The following MAP4 variants were observed in gnomAD, a reference collection of about 807,000 sequenced individuals.
MAP4 encodes the protein microtubule-associated protein 4.
In MAP4, 76 loss-of-function variants were observed where a neutral mutation model predicts 170.2. That is an observed-to-expected ratio of 0.45 (90% confidence interval 0.37 to 0.54). The LOEUF (loss-of-function observed/expected upper bound fraction) is 0.54, where lower values mean the gene tolerates loss of function less well. MAP4 is among the 20% of genes least tolerant of loss of function. The pLI is 0.00. For missense variants in MAP4, 2,506 were observed against 2,748.0 expected (o/e 0.91, Z 1.97); for synonymous variants, 909 against 994.5 (o/e 0.91, Z 1.62).
intron 1 of MAP4, among the ~76,000 whole-genome samples, chr3:48,054,431 G>A (rs1304415663): frequency 6.6e-6 from 1 of 151,952 alleles, no homozygotes; most frequent in African/African-American, 2.4e-5. Context: ...GACCAGCCTG[G>A]CCAACATAGT....
At chr3:47,951,567 G>C (rs2100063889) in intron 3 of MAP4, among the ~76,000 whole-genome samples, 1 of 152,240 alleles carries the variant, frequency 6.6e-6, no homozygotes, top group Non-Finnish European at 1.5e-5. Flanking sequence ...GGCCGGGCTG[G>C]TCTCCAGCTC....
chr3:47,880,660 T>G lies in MAP4; in HGVS notation c.5435-3137A>C, dbSNP rs541290620. ...TACAAAAAAAATTTTTTTGAAGAGA[T>G]GGAGGTCTTGCCATGTGGCCCAAAC... On this transcript the variant is annotated intron_variant, in intron 10 of 20. Coordinates refer to ENST00000683076, the MANE Select transcript of MAP4 (RefSeq NM_001385682.1). 6.6e-5 allele frequency among the ~76,000 whole-genome samples: 10 copies of G among 152,170 alleles called. No homozygotes were observed. The East Asian group carries it at 1.9e-3, about 29-fold the overall frequency.
chr3:48,047,118 A>ATAAAT (rs1466604211), intron 1 of MAP4, among the ~76,000 whole-genome samples: 1 of 151,458 alleles, frequency 6.6e-6, no homozygotes, highest in Non-Finnish European at 1.5e-5. Context: ...AAATAAATAA[A>ATAAAT]TAAATAAATA....
chr3:47,994,948 CAAAA>C, intron 2 of MAP4, among the ~76,000 whole-genome samples: 1 of 84,416 alleles, frequency 1.2e-5, no homozygotes, highest in Admixed American at 1.4e-4. Flanking sequence ...GACTCCATCT[CAAAA>C]AAAAAAAAAA....
chr3:47,939,268 G>A (rs146361393), intron 3 of MAP4, among the ~76,000 whole-genome samples: 18 of 152,138 alleles, frequency 1.2e-4, no homozygotes, highest in African/African-American at 4.3e-4. Context: ...ATGTTTTCCT[G>A]TTAGTCTTTT....
At chr3:47,948,570 C>T (rs2100061635) in intron 3 of MAP4, among the ~76,000 whole-genome samples, 1 of 151,950 alleles carries the variant, frequency 6.6e-6, no homozygotes. Flanking sequence ...ACAGTGTGTA[C>T]AAACACATAC....
upstream of MAP4, chr3:48,016,445 C>T (rs1225585148): frequency 6.6e-6 from 1 of 152,178 alleles, no homozygotes; most frequent in Admixed American, 6.6e-5. Context: ...CCAGGAAGAA[C>T]ACACCAGATA....
chr3:47,853,792 G>A (rs530707224), intron 19 of MAP4, among the ~76,000 whole-genome samples: 10 of 142,714 alleles, frequency 7.0e-5, no homozygotes, highest in Admixed American at 4.8e-4. Flanking sequence ...AGTAGCTCCC[G>A]GGCAGCCCTG....
At chr3:47,983,917 C>T (rs2100086976) in intron 2 of MAP4, among the ~76,000 whole-genome samples, 1 of 152,216 alleles carries the variant, frequency 6.6e-6, no homozygotes, top group African/African-American at 2.4e-5. Context: ...ACTCCTGTGT[C>T]CCTCTGACAC....
intron 17 of MAP4, among the ~76,000 whole-genome samples, chr3:47,863,368 T>C (rs1434750716): frequency 1.3e-5 from 2 of 152,212 alleles, no homozygotes; most frequent in Non-Finnish European, 2.9e-5. Context: ...TAGGTGGCTA[T>C]GTGGAGGAGT....
intron 2 of MAP4, chr3:47,987,481 A>G (rs2100089460): frequency 8.0e-7 from 1 of 1,257,668 alleles, no homozygotes; most frequent in African/African-American, 1.5e-5. Context: ...GGAAAGTTAC[A>G]TCTAAATCCA....
chr3:48,013,390 T>C (rs1461981310), intron 1 of MAP4: 1 of 152,182 alleles, frequency 6.6e-6, no homozygotes, highest in Non-Finnish European at 1.5e-5. Flanking sequence ...TTAAATAGAT[T>C]TGTGAGTAAG....
In MAP4 at chr3:47,958,682, A is replaced by AT. The variant is rs769235654; in HGVS notation, c.292+19182dup. ...CAGGGGTGTGCACCACACCCGGCTA[A>AT]TTTTTTTTTTTTTTTTTTTTGAGAC... On this transcript the variant is annotated intron_variant, in intron 3 of 20. Coordinates refer to ENST00000683076, the MANE Select transcript of MAP4 (RefSeq NM_001385682.1). Among the ~76,000 whole-genome samples the AT allele has an allele frequency of 9.8e-3, 1,185 of 121,454 alleles. 14 individuals carry two copies. Among genetic ancestry groups the AT allele is most frequent in the African/African-American group, 0.023 (734 of 32,352 alleles). 79.7% of individuals were successfully genotyped at this position (121,454 alleles called of 152,430 possible).
chr3:47,894,073 GA>G (rs138057699), intron 10 of MAP4, among the ~76,000 whole-genome samples: 26 of 144,092 alleles, frequency 1.8e-4, no homozygotes, highest in African/African-American at 4.8e-4. Context: ...TTGCAATGCT[GA>G]AAAAAAAAAA....
In MAP4 at chr3:47,912,007, T is replaced by C. The variant is rs1257300789; in HGVS notation, c.2414A>G (p.Asp805Gly). ...GGGGAGAACACCTGATTTTTGTGTG[T>C]CAGCTGCAAATGGATGACCTTTAGG... ...DKPKGHPFAA[D>G]TQKSGVLPSQ... Residue 805 changes from aspartate to glycine, a missense_variant, in exon 9 of 21, where the codon GAC becomes GGC. Asp to Gly is a moderately conservative substitution (Grantham distance 94). This residue lies in a region of MAP4 where 2,008 missense variants were observed against 2,206.0 expected (regional missense o/e 0.91). Transcript: ENST00000683076. 1.3e-6 allele frequency: 2 copies of C among 1,536,140 alleles called. No homozygotes were observed. The highest frequency in any genetic ancestry group is 4.9e-5 in the East Asian group (2 of 40,922).
In MAP4 at chr3:47,910,102, C is replaced by T. The variant is rs770918359; in HGVS notation, c.4319G>A (p.Cys1440Tyr). 77 of 1,613,858 alleles carry T rather than the reference C, an allele frequency of 4.8e-5. No individual in the cohort carries two copies. The highest frequency in any genetic ancestry group is 6.4e-5 in the Non-Finnish European group (76 of 1,179,882). ...SPLEVLESAACEKLPTPTPQV... is the reference protein window; with the variant it reads ...SPLEVLESAAYEKLPTPTPQV... Reference sequence around the variant, plus strand: ...AGGAGTAGGAGTGGGCAGTTTTTCACAGGCTGCTGATTCCAGAACCTCTAG... The same window carrying T: ...AGGAGTAGGAGTGGGCAGTTTTTCATAGGCTGCTGATTCCAGAACCTCTAG... Residue 1440 changes from cysteine to tyrosine, a missense_variant, in exon 9 of 21, where the codon TGT becomes TAT. Cys to Tyr is a radical substitution (Grantham distance 194). Transcript: ENST00000683076.
In MAP4 at chr3:47,997,226, C is replaced by T. The variant is rs2100096255; in HGVS notation, c.223+1412G>A. On this transcript the variant is annotated intron_variant, in intron 2 of 20. Transcript: ENST00000683076. ...TAAAAGATAATGGCCAAAAATTTCC[C>T]AGCTGACTTAACCACTTCAAAAGCA... Among the ~76,000 whole-genome samples, 3 of 149,268 alleles carry T rather than the reference C, an allele frequency of 2.0e-5. No individual in the cohort carries two copies. In the South Asian group the frequency reaches 6.3e-4, roughly 31 times the overall value.
intron 10 of MAP4, among the ~76,000 whole-genome samples, chr3:47,881,436 G>T: frequency 5.2e-5 from 3 of 57,634 alleles, no homozygotes; most frequent in Admixed American, 2.0e-4. Flanking sequence ...TGGGCAACAA[G>T]AAAAAACAAC....
chr3:48,047,692 T>A (rs2100125320), intron 1 of MAP4, among the ~76,000 whole-genome samples: 1 of 152,244 alleles, frequency 6.6e-6, no homozygotes, highest in Admixed American at 6.5e-5. Context: ...TTTAACTCCA[T>A]GTTTTCTTGT....
Sources: gnomAD v4.1 joint callset for allele counts (sites outside exome capture counted in the v4.1 genomes callset) on GRCh38, gnomAD v4.1.1 for gene constraint, gnomAD v4.1.1 regional missense constraint, MANE v1.5 for transcripts, NCBI Gene and HGNC (gene_info 2026-07-23, HGNC 2026-07-21) for gene names.